The following OPRM1 variants were observed in gnomAD, a reference collection of about 807,000 sequenced individuals.
OPRM1 encodes the protein mu-type opioid receptor.
OPRM1 carries 27 observed loss-of-function variants against 31.8 expected under a neutral mutation model. The ratio of observed to expected loss-of-function variants is 0.85; its 90% confidence interval spans 0.63 to 1.17. The LOEUF (loss-of-function observed/expected upper bound fraction) is 1.17, where lower values mean the gene tolerates loss of function less well. Ranked by LOEUF, OPRM1 falls within the 50% of genes most tolerant of loss-of-function variation. OPRM1 has a pLI of 0.00. For missense variants in OPRM1, 536 were observed against 511.1 expected (o/e 1.05, Z -0.47); for synonymous variants, 196 against 189.9 (o/e 1.03, Z -0.26).
intron 3 of OPRM1, among the ~76,000 whole-genome samples, chr6:154,217,754 G>C (rs1778531007): frequency 6.6e-6 from 1 of 152,016 alleles, no homozygotes; most frequent in South Asian, 2.1e-4. Context: ...TTATACCTTA[G>C]TTCATAATTG....
At chr6:154,183,172 G>T (rs1393014373) in intron 3 of OPRM1, among the ~76,000 whole-genome samples, 1 of 151,876 alleles carries the variant, frequency 6.6e-6, no homozygotes, top group African/African-American at 2.4e-5. Flanking sequence ...GTAGAGACGG[G>T]GTTTCACTGT....
intron 3 of OPRM1, chr6:154,092,074 A>G (rs1303297891): frequency 1.3e-5 from 3 of 234,600 alleles, no homozygotes; most frequent in Admixed American, 1.3e-4. Flanking sequence ...TATTATTAAT[A>G]TGTGAATATT....
intron 3 of OPRM1, among the ~76,000 whole-genome samples, chr6:154,166,906 TAA>T (rs1382655254): frequency 1.3e-5 from 2 of 152,222 alleles, no homozygotes; most frequent in Non-Finnish European, 2.9e-5. Context: ...TAATATTAAA[TAA>T]GAGTGAATTT....
chr6:154,204,627 A>G (rs1235460164), intron 3 of OPRM1, among the ~76,000 whole-genome samples: 1 of 151,994 alleles, frequency 6.6e-6, no homozygotes, highest in Non-Finnish European at 1.5e-5. Context: ...CCGAAGATCT[A>G]CTCATCACTG....
intron 3 of OPRM1, among the ~76,000 whole-genome samples, chr6:154,180,055 G>A (rs1800699349): frequency 6.6e-6 from 1 of 152,112 alleles, no homozygotes; most frequent in Non-Finnish European, 1.5e-5. Context: ...AGCAACTAGA[G>A]TTACAACTAG....
chr6:154,225,068 C>T (rs1353036030), intron 3 of OPRM1, among the ~76,000 whole-genome samples: 1 of 152,122 alleles, frequency 6.6e-6, no homozygotes, highest in Non-Finnish European at 1.5e-5. Context: ...ATTTGAAATG[C>T]TTGGGGACTG....
intron 3 of OPRM1, among the ~76,000 whole-genome samples, chr6:154,220,895 G>A (rs546842336): frequency 1.3e-5 from 2 of 152,300 alleles, no homozygotes; most frequent in Admixed American, 6.5e-5. Context: ...TATATTAAAC[G>A]CTATAGCAAT....
At chr6:154,087,373 T>C in intron 1 of OPRM1, 1 of 985,430 alleles carries the variant, frequency 1.0e-6, no homozygotes, top group Non-Finnish European at 1.2e-6. Context: ...GCTGAATGAG[T>C]TAGACTCAAC....
intron 1 of OPRM1, among the ~76,000 whole-genome samples, chr6:154,080,525 CT>C (rs1259585887): frequency 1.3e-5 from 2 of 152,234 alleles, no homozygotes; most frequent in African/African-American, 4.8e-5. Flanking sequence ...CTCACACTCA[CT>C]TATTTCTGAC....
At chr6:154,172,251 C>T (rs1223508445) in intron 3 of OPRM1, among the ~76,000 whole-genome samples, 1 of 152,180 alleles carries the variant, frequency 6.6e-6, no homozygotes, top group Non-Finnish European at 1.5e-5. Flanking sequence ...TTCTGCATTC[C>T]CAACTGAAGT....
intron 3 of OPRM1, among the ~76,000 whole-genome samples, chr6:154,160,382 G>C (rs150296141): frequency 2.0e-5 from 3 of 152,188 alleles, no homozygotes; most frequent in Middle Eastern, 3.4e-3. Context: ...TACCATTGTA[G>C]GTATTAGCAT....
chr6:154,101,419 C>T (rs1370661853), intron 3 of OPRM1, among the ~76,000 whole-genome samples: 1 of 152,158 alleles, frequency 6.6e-6, no homozygotes, highest in African/African-American at 2.4e-5. Flanking sequence ...AGGAACAATT[C>T]TCTCATAGAA....
At chr6:154,229,347 T>A (rs1430692696) in intron 3 of OPRM1, among the ~76,000 whole-genome samples, 4 of 26,552 alleles carry the variant, frequency 1.5e-4, no homozygotes, top group Non-Finnish European at 2.9e-4. Context: ...AGTTTGCCGG[T>A]TTTTTTTTTT....
chr6:154,091,057 T>C lies in OPRM1; in HGVS notation c.749T>C (p.Ile250Thr), dbSNP rs1324975178. 1.5e-5 allele frequency: 24 copies of C among 1,614,198 alleles called. No homozygotes were observed. The highest frequency in any genetic ancestry group is 4.5e-5 in the East Asian group (2 of 44,886). The change falls in exon 3 of 4, where the codon ATT becomes ACT. Residue 250 changes from isoleucine (I) to threonine (T), a missense_variant. Physicochemically the swap from Ile to Thr is moderately conservative, Grantham distance 89 (BLOSUM62 -1). Transcript: ENST00000330432. ...GCCTTCATTATGCCAGTGCTCATCA[T>C]TACCGTGTGCTATGGACTGATGATC... ...IFAFIMPVLIITVCYGLMILR... is the reference protein window; with the variant it reads ...IFAFIMPVLITTVCYGLMILR...
intron 3 of OPRM1, among the ~76,000 whole-genome samples, chr6:154,172,365 G>A (rs540988473): frequency 5.9e-5 from 9 of 152,318 alleles, no homozygotes; most frequent in African/African-American, 1.9e-4. Flanking sequence ...ACAAGGGGTC[G>A]GGGGATTTCC....
intron 3 of OPRM1, among the ~76,000 whole-genome samples, chr6:154,152,339 G>GAA (rs750969208): frequency 5.5e-5 from 2 of 36,268 alleles, no homozygotes. Context: ...AAGAAAGAAA[G>GAA]AAAGAAAGGA....
At chr6:154,099,356 AG>A (rs1794020284) in intron 3 of OPRM1, among the ~76,000 whole-genome samples, 1 of 147,834 alleles carries the variant, frequency 6.8e-6, no homozygotes, top group Admixed American at 6.8e-5. Flanking sequence ...AGCGAGAGAG[AG>A]AGAGAGAGAG....
At chr6:154,240,793 C>A (rs1193749927) in intron 3 of OPRM1, among the ~76,000 whole-genome samples, 1 of 152,180 alleles carries the variant, frequency 6.6e-6, no homozygotes, top group Non-Finnish European at 1.5e-5. Context: ...CCCAAACATG[C>A]AAAACTTTCA....
intron 3 of OPRM1, among the ~76,000 whole-genome samples, chr6:154,192,968 T>C (rs1802058306): frequency 6.6e-6 from 1 of 152,022 alleles, no homozygotes; most frequent in Non-Finnish European, 1.5e-5. Context: ...GGCGATTCCT[T>C]AAAGAACTAA....
Sources: allele counts gnomAD v4.1 joint callset (sites outside exome capture counted in the v4.1 genomes callset), GRCh38; gene constraint gnomAD v4.1.1; transcripts MANE v1.5; gene names NCBI Gene and HGNC (gene_info 2026-07-23, HGNC 2026-07-21).